Variants in KATNIP observed in about 807,000 individuals in gnomAD.
KATNIP encodes the protein katanin interacting protein, also known as katanin-interacting protein.
Under a neutral mutation model 174.0 loss-of-function variants are expected in KATNIP, and 126 were observed. The ratio of observed to expected loss-of-function variants is 0.72; its 90% CI spans 0.63 to 0.84. The LOEUF (loss-of-function observed/expected upper bound fraction) is 0.84, where lower values mean the gene tolerates loss of function less well. KATNIP is among the 40% of genes least tolerant of loss of function. The pLI is 0.00. For missense variants in KATNIP, 1,958 were observed against 2,109.7 expected, an observed-to-expected ratio of 0.93 and a Z score of 1.41; for synonymous variants, 810 against 835.7, an observed-to-expected ratio of 0.97 and a Z score of 0.53.
chr16:27,698,823 TCAA>T (rs1397569192), intron 9 of KATNIP, among the ~76,000 whole-genome samples: 1 of 152,090 alleles, frequency 6.6e-6, no homozygotes, highest in East Asian at 1.9e-4. Context: ...AAGAATGGAG[TCAA>T]CAACAAGCTC....
intron 14 of KATNIP, among the ~76,000 whole-genome samples, chr16:27,739,469 A>G (rs966194416): frequency 2.0e-5 from 3 of 151,978 alleles, no homozygotes; most frequent in African/African-American, 7.3e-5. Context: ...TCTTGGAATC[A>G]CCTGCCAAAT....
At chr16:27,584,488 A>G (rs1338988410) in intron 2 of KATNIP, among the ~76,000 whole-genome samples, 1 of 152,156 alleles carries the variant, frequency 6.6e-6, no homozygotes, top group Non-Finnish European at 1.5e-5. Flanking sequence ...AACTGACAGC[A>G]CAATTGTTAA....
intron 14 of KATNIP, among the ~76,000 whole-genome samples, chr16:27,723,623 T>G (rs2080326201): frequency 6.6e-6 from 1 of 151,822 alleles, no homozygotes; most frequent in Non-Finnish European, 1.5e-5. Context: ...AATACGTGGT[T>G]GATGAATGAA....
chr16:27,774,105 G>A (rs1276918175), intron 23 of KATNIP, among the ~76,000 whole-genome samples: 1 of 152,094 alleles, frequency 6.6e-6, no homozygotes, highest in Non-Finnish European at 1.5e-5. Context: ...TCTTGAATCT[G>A]TGATCCCTGG....
At chr16:27,773,262 A>T (rs974103400) in intron 23 of KATNIP, 53 bp downstream of exon 23, 1 of 1,284,130 alleles carries the variant, frequency 7.8e-7, no homozygotes, top group East Asian at 2.4e-5. Flanking sequence ...GGAGCATGGG[A>T]GGGTCGGGAA....
chr16:27,622,578 A>C (rs547854983), intron 3 of KATNIP, among the ~76,000 whole-genome samples: 1 of 152,326 alleles, frequency 6.6e-6, no homozygotes, highest in African/African-American at 2.4e-5. Context: ...TCTAGACTGC[A>C]GGGGGTAGAC....
chr16:27,655,491 C>G (rs1376843230), intron 6 of KATNIP, among the ~76,000 whole-genome samples: 2 of 151,740 alleles, frequency 1.3e-5, no homozygotes, highest in African/African-American at 4.8e-5. Context: ...CTCAAGTGAT[C>G]CTCCTGCCTC....
chr16:27,647,781 A>G (rs1426908695), intron 5 of KATNIP, among the ~76,000 whole-genome samples: 1 of 152,140 alleles, frequency 6.6e-6, no homozygotes, highest in Non-Finnish European at 1.5e-5. Context: ...CTGGGATTAC[A>G]GGTGTGAGGC....
intron 2 of KATNIP, among the ~76,000 whole-genome samples, chr16:27,588,389 A>C (rs1354802725): frequency 1.3e-5 from 2 of 152,198 alleles, no homozygotes; most frequent in Admixed American, 1.3e-4. Flanking sequence ...CATCAAATGT[A>C]GAATAATCTA....
Position 27,750,197 on chromosome 16 carries a change from T to G in KATNIP, c.3237T>G (p.Asn1079Lys). The stretch of plus-strand genomic sequence containing the variant: ...CCCTGATCAGAATTTGGAACTACAA[T>G]AAATCTCGGATACATTCCTTCCGAG... ...HVALIRIWNY[N>K]KSRIHSFRGV... Residue 1079 changes from asparagine to lysine, a missense_variant, in exon 16 of 28, where the codon AAT (asparagine) becomes AAG (lysine). Coordinates refer to ENST00000261588, the MANE Select transcript of KATNIP (RefSeq NM_015202.5). 1 of 1,614,054 alleles carries G rather than the reference T, an allele frequency of 6.2e-7. No homozygotes were observed. Among genetic ancestry groups the G allele is most frequent in the Non-Finnish European group, 8.5e-7 (1 of 1,180,020 alleles).
In KATNIP at chr16:27,681,503, T is replaced by A; in HGVS notation, c.913T>A (p.Phe305Ile). Residue 305 changes from phenylalanine to isoleucine, a missense_variant, in exon 8 of 28, where the codon TTC becomes ATC. Phe to Ile is a conservative substitution (Grantham distance 21). Around this residue, in one of 3 missense-constraint regions of KATNIP, gnomAD observed 1,557 missense variants for 1,617.8 expected, o/e 0.96. Coordinates refer to ENST00000261588, the MANE Select transcript of KATNIP (RefSeq NM_015202.5). The stretch of plus-strand genomic sequence containing the variant: ...CCTGACTCCCCAAGCTCCTGCTGTA[T>A]TCCCAGACCAGGAGAGGATGTGCTC... ...PNLTPQAPAV[F>I]PDQERMCSRP... The A allele has an allele frequency of 1.2e-6, 2 of 1,614,162 alleles. No individual in the cohort carries two copies. The highest frequency in any genetic ancestry group is 1.7e-6 in the Non-Finnish European group (2 of 1,180,032).
chr16:27,681,396 C>T lies in KATNIP; in HGVS notation c.809-3C>T, dbSNP rs1241236530. The T allele has an allele frequency of 1.2e-6, 2 of 1,614,168 alleles. No individual in the cohort carries two copies. The highest frequency in any genetic ancestry group is 1.7e-5 in the Admixed American group (1 of 60,030). ...CTTACATGAAACAATTGTTTTCCTA[C>T]AGGTCATAAAAGGGAAAGGAATTTG... On this transcript the variant is annotated splice_polypyrimidine_tract_variant and splice_region_variant and intron_variant, in intron 7 of 27. Coordinates refer to ENST00000261588, the MANE Select transcript of KATNIP (RefSeq NM_015202.5).
At chr16:27,620,174 C>T (rs1401044696) in intron 3 of KATNIP, among the ~76,000 whole-genome samples, 2 of 152,170 alleles carry the variant, frequency 1.3e-5, no homozygotes, top group Non-Finnish European at 1.5e-5. Context: ...TATATCAAAA[C>T]TGAGTTGCCA....
intron 14 of KATNIP, chr16:27,727,216 T>G (rs1567356105): frequency 8.6e-6 from 2 of 232,342 alleles, no homozygotes; most frequent in Non-Finnish European, 1.9e-5. Context: ...TTCTAGACAG[T>G]CTCTCTCTGC....
rs774024541 is a variant in KATNIP, at chr16:27,773,208, C to T, written c.4308C>T (p.Asn1436=). The T allele has an allele frequency of 3.7e-6, 6 of 1,601,216 alleles. No homozygotes were observed. Among genetic ancestry groups the T allele is most frequent in the Non-Finnish European group, 4.3e-6 (5 of 1,171,244 alleles). Residue 1436 remains asparagine, a splice_region_variant and synonymous_variant, in exon 23 of 28, where the codon AAC becomes AAT. Transcript: ENST00000261588. ...GAGAAAAAATCCCCTTGTCGGAAAA[C>T]AGTATCCTTTGTAGGACAGGAGTGG... The part of the protein sequence containing the change: ...ERGEKIPLSE[N]NIAAFPDSVN...
intron 8 of KATNIP, among the ~76,000 whole-genome samples, chr16:27,697,722 T>G (rs1398397480): frequency 2.0e-5 from 3 of 150,990 alleles, no homozygotes; most frequent in East Asian, 1.9e-4. Flanking sequence ...CGATAGAGGG[T>G]GTGTGTGTGT....
intron 12 of KATNIP, among the ~76,000 whole-genome samples, chr16:27,706,919 T>C (rs927436296): frequency 9.9e-5 from 15 of 152,240 alleles, no homozygotes; most frequent in Non-Finnish European, 4.4e-5. Context: ...CTGTCCTGCA[T>C]GCCTGGGACT....
intron 8 of KATNIP, among the ~76,000 whole-genome samples, chr16:27,689,491 C>T (rs1047088449): frequency 1.3e-5 from 2 of 152,100 alleles, no homozygotes; most frequent in African/African-American, 4.8e-5. Context: ...CTGTAACATC[C>T]AAGAGTAGAA....
intron 1 of KATNIP, 122 bp downstream of exon 1, chr16:27,550,299 C>T (rs2089291416): frequency 4.4e-6 from 5 of 1,146,728 alleles, no homozygotes; most frequent in South Asian, 3.0e-5. Flanking sequence ...CCAAGGGGGT[C>T]TCCGAAATGA....
Sources: gnomAD v4.1 joint callset for allele counts (sites outside exome capture counted in the v4.1 genomes callset) on GRCh38, gnomAD v4.1.1 for gene constraint, gnomAD v4.1.1 regional missense constraint, MANE v1.5 for transcripts, NCBI Gene and HGNC (gene_info 2026-07-23, HGNC 2026-07-21) for gene names.